Variants in RAB44 observed in about 807,000 individuals in gnomAD.
RAB44 encodes RAB44, member RAS oncogene family.
In RAB44, 67 loss-of-function variants were observed where a neutral mutation model predicts 93.3. The ratio of observed to expected loss-of-function variants is 0.72; its 90% confidence interval spans 0.59 to 0.88. RAB44 has a LOEUF of 0.88. Ranked by LOEUF, RAB44 falls within the 40% of genes least tolerant of loss-of-function variation. The pLI is 0.00. For missense variants in RAB44, 1,064 were observed against 1,261.7 expected, an observed-to-expected ratio of 0.84 and a Z score of 2.37; for synonymous variants, 427 against 520.3, an observed-to-expected ratio of 0.82 and a Z score of 2.44.
intron 13 of RAB44, 66 bp downstream of exon 13, chr6:36,730,815 G>T: frequency 1.4e-6 from 1 of 732,346 alleles, no homozygotes; most frequent in Non-Finnish European, 1.7e-6. Context: ...GACAGCTCCG[G>T]CCCCACTCTT....
intron 2 of RAB44, among the ~76,000 whole-genome samples, chr6:36,708,665 T>C (rs114543740): frequency 0.017 from 2,572 of 152,192 alleles, 93 homozygotes; most frequent in African/African-American, 0.058. Flanking sequence ...ATAAGGGAGA[T>C]ACCTTTGCTT....
chr6:36,704,045 G>T (rs1375741991), intron 1 of RAB44, among the ~76,000 whole-genome samples, 179 bp from the exon 2 acceptor site: 2 of 152,196 alleles, frequency 1.3e-5, no homozygotes, highest in Admixed American at 6.5e-5. Flanking sequence ...CAGAATGGAC[G>T]AGAGGCCATG....
At chr6:36,701,657 C>T (rs1762511426) in intron 1 of RAB44, among the ~76,000 whole-genome samples, 1 of 152,184 alleles carries the variant, frequency 6.6e-6, no homozygotes, top group Non-Finnish European at 1.5e-5. Context: ...TCTCCCAGCA[C>T]CTGACACACA....
Position 36,704,334 on chromosome 6 carries a change from G to A in RAB44, c.99G>A (p.Val33=). 1.3e-6 allele frequency: 2 copies of A among 1,536,148 alleles called. No homozygotes were observed. The highest frequency in any genetic ancestry group is 1.7e-6 in the Non-Finnish European group (2 of 1,146,910). Residue 33 remains valine (V), a synonymous_variant, in exon 2 of 14, where the codon GTG becomes GTA. Coordinates refer to ENST00000612677, the MANE Select transcript of RAB44 (RefSeq NM_001257357.2). The part of the protein sequence containing the change: ...REPADGEGAA[V]APEPESWSSQ... ...CAGCTGATGGTGAAGGCGCTGCAGTGGCCCCAGAGCCAGAGTCTTGGTCCT... is the reference window on the plus strand; with the variant it reads ...CAGCTGATGGTGAAGGCGCTGCAGTAGCCCCAGAGCCAGAGTCTTGGTCCT...
chr6:36,723,349 G>T (rs530884408), intron 9 of RAB44, among the ~76,000 whole-genome samples: 11 of 151,904 alleles, frequency 7.2e-5, no homozygotes, highest in Admixed American at 7.2e-4. Flanking sequence ...AATATGTCAA[G>T]ATCTTAGAAT....
intron 2 of RAB44, among the ~76,000 whole-genome samples, chr6:36,712,427 C>T (rs555487086): frequency 2.6e-5 from 4 of 152,228 alleles, no homozygotes; most frequent in East Asian, 1.9e-4. Flanking sequence ...TGCAGTGGTG[C>T]GATCTCGGCT....
At chr6:36,727,032 C>T (rs962553817) in intron 10 of RAB44, among the ~76,000 whole-genome samples, 1 of 152,034 alleles carries the variant, frequency 6.6e-6, no homozygotes, top group Non-Finnish European at 1.5e-5. Flanking sequence ...AACTCCTGAC[C>T]GCAAGTGATC....
Position 36,721,794 on chromosome 6 carries a change from C to T in RAB44, c.1660C>T (p.Gln554Ter). 2 of 1,234,586 alleles carry T rather than the reference C, an allele frequency of 1.6e-6. No homozygotes were observed. The highest frequency in any genetic ancestry group is 2.1e-4 in the Middle Eastern group (1 of 4,816). 76.5% of individuals were successfully genotyped at this position (1,234,586 alleles called of 1,614,324 possible). The change falls in exon 9 of 14, where the codon CAA becomes TAA. Residue 554 changes from glutamine (Q) to a stop codon, truncating the protein, a stop_gained. Coordinates refer to ENST00000612677, the MANE Select transcript of RAB44 (RefSeq NM_001257357.2). LOFTEE classifies it high-confidence loss of function. ...GAGAGPQEPT[Q>*]TPPTMTERET... is the part of the protein sequence containing the mutation. ...TGGAGCAGGACCCCAGGAACCCACA[C>T]AAACCCCTCCCACCATGACTGAGCG... is the stretch of plus-strand genomic sequence containing the variant.
chr6:36,713,805 C>G, intron 2 of RAB44, 23 bp from the exon 3 acceptor site: 3 of 1,470,186 alleles, frequency 2.0e-6, no homozygotes, highest in Non-Finnish European at 1.8e-6. Flanking sequence ...GGAACACCTG[C>G]CCAACTTGCC....
In RAB44 at chr6:36,715,578, A is replaced by C. The variant is rs780625442; in HGVS notation, c.419A>C (p.Glu140Ala). The C allele has an allele frequency of 2.0e-6, 3 of 1,536,160 alleles. No individual in the cohort carries two copies. The highest frequency in any genetic ancestry group is 3.3e-4 in the Middle Eastern group (2 of 5,990). Residue 140 changes from glutamate (E) to alanine (A), a missense_variant, in exon 4 of 14, where the codon GAG becomes GCG. By Grantham distance (107) the Glu-to-Ala change is moderately radical. Transcript: ENST00000612677. ...VSATTSFPAL[E>A]EADAEEKEAF... is the part of the protein sequence containing the mutation. ...GCTACCACCAGCTTCCCAGCTCTGG[A>C]GGAGGCGGATGCTGAGGAGAAGGAG...
At chr6:36,730,996 T>C (rs887413460) in intron 13 of RAB44, among the ~76,000 whole-genome samples, 4 of 151,860 alleles carry the variant, frequency 2.6e-5, no homozygotes, top group African/African-American at 9.7e-5. Context: ...GCACTTAGGC[T>C]CTCTGAGCCT....
At position 36,700,057 on chromosome 6, in the gene RAB44, A is replaced by G. The variant is rs78426438; in HGVS notation, c.-13+2142A>G. Among the ~76,000 whole-genome samples the G allele has an allele frequency of 1.8e-4, 28 of 152,314 alleles. No individual in the cohort carries two copies. In the East Asian group the frequency reaches 5.4e-3, roughly 29 times the overall value. On this transcript the variant is annotated intron_variant, in intron 1 of 13. Coordinates refer to ENST00000612677, the MANE Select transcript of RAB44 (RefSeq NM_001257357.2). ...CATGAGGAGAAGGAAAATTTACAAC[A>G]AAAACGAGCAAAAGGCTCTCTATTC...
At chr6:36,698,015 A>AAAAGGCAGAGCCC (rs1238531597) in intron 1 of RAB44, 100 bp downstream of exon 1, 1 of 152,276 alleles carries the variant, frequency 6.6e-6, no homozygotes, top group Admixed American at 6.5e-5. Context: ...TCAAGGGTGC[A>AAAAGGCAGAGCCC]AAAGGCAGAG....
chr6:36,705,814 A>G (rs1762636164), intron 2 of RAB44, among the ~76,000 whole-genome samples: 1 of 152,164 alleles, frequency 6.6e-6, no homozygotes, highest in African/African-American at 2.4e-5. Context: ...AATTTGCCCT[A>G]CAAACAGAGA....
chr6:36,707,770 C>T (rs1315437454), intron 2 of RAB44, among the ~76,000 whole-genome samples: 1 of 152,188 alleles, frequency 6.6e-6, no homozygotes, highest in African/African-American at 2.4e-5. Context: ...ATAGCAGAGG[C>T]TTCAGGCAGG....
At chr6:36,727,049 C>CCGCAAGTGATCCTCCTGT (rs1763254522) in intron 10 of RAB44, among the ~76,000 whole-genome samples, 1 of 121,286 alleles carries the variant, frequency 8.2e-6, no homozygotes, top group Non-Finnish European at 2.1e-5. Flanking sequence ...GATCCTCCTG[C>CCGCAAGTGATCCTCCTGT]CTCAGCCTCC....
chr6:36,725,473 T>C (rs1763214595), intron 9 of RAB44, among the ~76,000 whole-genome samples: 1 of 152,270 alleles, frequency 6.6e-6, no homozygotes, highest in East Asian at 1.9e-4. Flanking sequence ...AACAGTTGCC[T>C]GAAGCCAGCA....
chr6:36,727,547 G>C, intron 10 of RAB44, 30 bp from the exon 11 acceptor site: 1 of 1,494,394 alleles, frequency 6.7e-7, no homozygotes, highest in Non-Finnish European at 9.1e-7. Flanking sequence ...CTGGATGCCT[G>C]GTGTGGCCTC....
intron 7 of RAB44, among the ~76,000 whole-genome samples, chr6:36,719,976 T>C (rs1180049134): frequency 6.6e-6 from 1 of 152,124 alleles, no homozygotes; most frequent in Non-Finnish European, 1.5e-5. Flanking sequence ...CAAGCAATGC[T>C]CCCTCTCTGG....
Sources: allele counts gnomAD v4.1 joint callset (sites outside exome capture counted in the v4.1 genomes callset), GRCh38; gene constraint gnomAD v4.1.1; transcripts MANE v1.5; gene names NCBI Gene and HGNC (gene_info 2026-07-23, HGNC 2026-07-21).